PTPRM: variants seen among roughly 807,000 people sequenced by gnomAD.
PTPRM encodes the protein protein tyrosine phosphatase receptor type M.
Under a neutral mutation model 186.7 loss-of-function variants are expected in PTPRM, and 47 were observed. That is an observed-to-expected ratio of 0.25 (90% CI 0.20 to 0.32). The LOEUF is 0.32. Ranked by LOEUF, PTPRM falls within the 10% of genes least tolerant of loss-of-function variation. The probability of loss-of-function intolerance (pLI) is 1.00; values close to 1 mark genes in which losing one functional copy is unlikely to be tolerated. For missense variants in PTPRM, 1,494 were observed against 1,865.0 expected (o/e 0.80, Z 3.66); for synonymous variants, 668 against 674.9 (o/e 0.99, Z 0.16).
rs193160406 is a variant in PTPRM at position 8,334,119 on chromosome 18, A to G, written c.2957-9304A>G. The stretch of plus-strand genomic sequence containing the variant: ...TGTTGGGGAATGAATGAGATCGTGC[A>G]TATAAAGAGCAGCATCCAGCACCTG... On this transcript the variant is annotated intron_variant, in intron 22 of 32. Coordinates refer to ENST00000580170, the MANE Select transcript of PTPRM (RefSeq NM_001105244.2). 1.5e-3 allele frequency among the ~76,000 whole-genome samples: 234 copies of G among 152,336 alleles called. 1 individual carries two copies. The Middle Eastern group carries it at 0.041, about 27-fold the overall frequency.
intron 1 of PTPRM, among the ~76,000 whole-genome samples, chr18:7,572,278 C>CA (rs1567960832): frequency 6.6e-6 from 1 of 152,028 alleles, no homozygotes; most frequent in Non-Finnish European, 1.5e-5. Flanking sequence ...TTTGGTAATT[C>CA]AAAATGAATT....
intron 1 of PTPRM, among the ~76,000 whole-genome samples, chr18:7,635,606 A>C (rs1030370311): frequency 3.3e-5 from 5 of 151,262 alleles, no homozygotes; most frequent in Non-Finnish European, 7.3e-5. Flanking sequence ...AGGATTAATA[A>C]ATTATTTATC....
intron 1 of PTPRM, among the ~76,000 whole-genome samples, chr18:7,681,186 G>A (rs1422401252): frequency 3.3e-5 from 5 of 150,578 alleles, no homozygotes; most frequent in Non-Finnish European, 5.9e-5. Context: ...TATGAATCTC[G>A]GAACTGCCTG....
chr18:7,984,596 T>TACACACACAC lies in PTPRM; in HGVS notation c.1132+29183_1132+29184insCACACACACA, dbSNP rs1468373372. Among the ~76,000 whole-genome samples, 99 of 117,988 alleles carry TACACACACAC rather than the reference T, an allele frequency of 8.4e-4. 1 individual carries two copies. Among genetic ancestry groups the TACACACACAC allele is most frequent in the Non-Finnish European group, 7.0e-4 (41 of 58,634 alleles). 77.4% of individuals were successfully genotyped at this position (117,988 alleles called of 152,430 possible). On this transcript the variant is annotated intron_variant, in intron 7 of 32. Coordinates refer to ENST00000580170, the MANE Select transcript of PTPRM (RefSeq NM_001105244.2). Reference sequence around the variant, plus strand: ...CCATATATATATATATATATATATATATATATACACACACACACACACACA... The same window carrying TACACACACAC: ...CCATATATATATATATATATATATATACACACACACATATATACACACACACACACACACA...
intron 14 of PTPRM, among the ~76,000 whole-genome samples, chr18:8,238,649 GTGT>G (rs151244702): frequency 0.42 from 31,205 of 73,658 alleles, 3,809 homozygotes; most frequent in Middle Eastern, 0.48. Context: ...ACTGTTTTGT[GTGT>G]TTTTTTTTTT....
At chr18:7,641,769 A>G (rs1005797018) in intron 1 of PTPRM, among the ~76,000 whole-genome samples, 3 of 152,248 alleles carry the variant, frequency 2.0e-5, no homozygotes, top group African/African-American at 7.2e-5. Flanking sequence ...TAGGTGAAAC[A>G]TTTATTGTAT....
At chr18:8,208,171 G>A (rs535779624) in intron 14 of PTPRM, among the ~76,000 whole-genome samples, 1 of 152,194 alleles carries the variant, frequency 6.6e-6, no homozygotes, top group Non-Finnish European at 1.5e-5. Flanking sequence ...GTGCTCTCCT[G>A]TGCAGCCACG....
intron 1 of PTPRM, among the ~76,000 whole-genome samples, chr18:7,572,693 T>A (rs2036592390): frequency 6.6e-6 from 1 of 152,174 alleles, no homozygotes; most frequent in African/African-American, 2.4e-5. Flanking sequence ...CCACCATGCA[T>A]TTTACTTTAG....
chr18:7,711,853 C>T (rs1415973468), intron 1 of PTPRM, among the ~76,000 whole-genome samples: 1 of 152,134 alleles, frequency 6.6e-6, no homozygotes, highest in African/African-American at 2.4e-5. Context: ...ATAGGTAAAA[C>T]CCCCATCTCC....
At chr18:7,807,098 T>G (rs1028663592) in intron 2 of PTPRM, among the ~76,000 whole-genome samples, 1 of 152,222 alleles carries the variant, frequency 6.6e-6, no homozygotes, top group African/African-American at 2.4e-5. Flanking sequence ...ATTTTCATTT[T>G]GTATCCTAGA....
At chr18:8,123,848 A>C (rs970676925) in intron 13 of PTPRM, among the ~76,000 whole-genome samples, 4 of 152,196 alleles carry the variant, frequency 2.6e-5, no homozygotes, top group African/African-American at 4.8e-5. Flanking sequence ...TCATCAGTAC[A>C]TTGTTAAAAA....
intron 1 of PTPRM, among the ~76,000 whole-genome samples, chr18:7,598,064 G>GTA (rs1212715225): frequency 3.3e-5 from 5 of 152,114 alleles, no homozygotes; most frequent in African/African-American, 1.2e-4. Context: ...TGGGGTTTAG[G>GTA]TATAAATTTA....
At chr18:7,856,462 C>T (rs1406151133) in intron 2 of PTPRM, among the ~76,000 whole-genome samples, 4 of 152,126 alleles carry the variant, frequency 2.6e-5, no homozygotes, top group Non-Finnish European at 5.9e-5. Flanking sequence ...GGACAGCAGG[C>T]CGGGTGCCAT....
chr18:7,951,531 T>C (rs2052953306), intron 6 of PTPRM, among the ~76,000 whole-genome samples: 1 of 152,146 alleles, frequency 6.6e-6, no homozygotes, highest in Non-Finnish European at 1.5e-5. Context: ...AATGAATAGA[T>C]TCGTATTCAT....
chr18:8,139,733 A>G (rs1394296104), intron 13 of PTPRM, among the ~76,000 whole-genome samples: 1 of 151,310 alleles, frequency 6.6e-6, no homozygotes, highest in African/African-American at 2.4e-5. Context: ...CTCGAATGTT[A>G]TTTTCTCAGT....
chr18:8,270,847 G>A (rs542332478), intron 19 of PTPRM, among the ~76,000 whole-genome samples: 105 of 152,268 alleles, frequency 6.9e-4, no homozygotes, highest in Middle Eastern at 6.8e-3. Flanking sequence ...ATGGGGGTTA[G>A]AGGAAATGGA....
rs574688471 is a variant in PTPRM at position 8,165,735 on chromosome 18, A to G, written c.2300+21956A>G. Among the ~76,000 whole-genome samples the G allele has an allele frequency of 8.5e-5, 13 of 152,288 alleles. No homozygotes were observed. The East Asian group carries it at 2.3e-3, about 27-fold the overall frequency. ...ATTTTTGATCTTCTTTACTAGTAAC[A>G]GTGAGGGTGGCACAAATTATCCATG... On this transcript the variant is annotated intron_variant, in intron 14 of 32. Transcript: ENST00000580170.
At chr18:7,980,267 G>A (rs945712876) in intron 7 of PTPRM, among the ~76,000 whole-genome samples, 2 of 151,962 alleles carry the variant, frequency 1.3e-5, no homozygotes, top group Non-Finnish European at 2.9e-5. Flanking sequence ...TTGGTGTTTC[G>A]GAGGTTTCTC....
chr18:8,297,043 C>T (rs114754359), intron 20 of PTPRM, among the ~76,000 whole-genome samples: 48 of 152,208 alleles, frequency 3.2e-4, no homozygotes, highest in Admixed American at 6.5e-4. Context: ...GTTTCTAAGT[C>T]GAGCCCAGCC....
Sources: gnomAD v4.1 joint callset for allele counts (sites outside exome capture counted in the v4.1 genomes callset) on GRCh38, gnomAD v4.1.1 for gene constraint, MANE v1.5 for transcripts, NCBI Gene and HGNC (gene_info 2026-07-23, HGNC 2026-07-21) for gene names.